The following UTRN variants were observed in gnomAD, a reference collection of about 807,000 sequenced individuals.
The protein encoded by UTRN is dystrophin-related protein 1.
Under a neutral mutation model 463.9 loss-of-function variants are expected in UTRN, and 283 were observed. The observed-to-expected ratio is 0.61, with a 90% CI of 0.55 to 0.67. The LOEUF (loss-of-function observed/expected upper bound fraction) is 0.67, where lower values mean the gene tolerates loss of function less well. Ranked by LOEUF, UTRN falls within the 30% of genes least tolerant of loss-of-function variation. The pLI, the probability that UTRN is intolerant of heterozygous loss-of-function variation, is 0.00. For missense variants in UTRN, 3,922 were observed against 4,084.3 expected, an observed-to-expected ratio of 0.96 and a Z score of 1.08; for synonymous variants, 1,442 against 1,431.5, an observed-to-expected ratio of 1.01 and a Z score of -0.17.
chr6:144,307,875 A>T (rs1209065644), intron 2 of UTRN, among the ~76,000 whole-genome samples: 2 of 151,544 alleles, frequency 1.3e-5, no homozygotes, highest in African/African-American at 4.9e-5. Flanking sequence ...TGGAATGGAT[A>T]TCACAGTGCT....
intron 34 of UTRN, among the ~76,000 whole-genome samples, chr6:144,505,276 C>T (rs1467148316): frequency 6.6e-6 from 1 of 152,046 alleles, no homozygotes; most frequent in East Asian, 1.9e-4. Context: ...TTCTGCTCTG[C>T]TCTTGGTTAT....
chr6:144,576,966 C>T, intron 50 of UTRN, 133 bp from the exon 51 acceptor site: 1 of 724,494 alleles, frequency 1.4e-6, no homozygotes, highest in Non-Finnish European at 2.2e-6. Context: ...GATAAATCTC[C>T]CAGTTACCTA....
chr6:144,563,861 G>A (rs1447088135), intron 50 of UTRN, among the ~76,000 whole-genome samples: 2 of 152,000 alleles, frequency 1.3e-5, no homozygotes, highest in Non-Finnish European at 2.9e-5. Context: ...TGTGATAAAT[G>A]CCTATGAATG....
chr6:144,651,940 A>ATG (rs1340192236), intron 51 of UTRN, among the ~76,000 whole-genome samples: 1 of 152,044 alleles, frequency 6.6e-6, no homozygotes, highest in Non-Finnish European at 1.5e-5. Flanking sequence ...ACTGTATCCA[A>ATG]TGTGTAGTCT....
At chr6:144,642,732 G>A (rs1004946805) in intron 51 of UTRN, among the ~76,000 whole-genome samples, 3 of 152,064 alleles carry the variant, frequency 2.0e-5, no homozygotes, top group Non-Finnish European at 4.4e-5. Context: ...CCAGTAGGGC[G>A]GTTGTTTTAT....
At chr6:144,573,779 G>A (rs1801175584) in intron 50 of UTRN, among the ~76,000 whole-genome samples, 1 of 152,104 alleles carries the variant, frequency 6.6e-6, no homozygotes, top group South Asian at 2.1e-4. Context: ...TAGGACTCAG[G>A]AATATGAAGG....
chr6:144,811,971 T>G (rs1202096295), intron 65 of UTRN, among the ~76,000 whole-genome samples: 1 of 152,190 alleles, frequency 6.6e-6, no homozygotes, highest in Admixed American at 6.5e-5. Flanking sequence ...TAACCTTGAT[T>G]TGCCTCTTTG....
intron 51 of UTRN, among the ~76,000 whole-genome samples, chr6:144,609,829 CCACTGGGT>C (rs1468645553): frequency 6.6e-6 from 1 of 151,942 alleles, no homozygotes; most frequent in African/African-American, 2.4e-5. Context: ...TCCTAAACAG[CCACTGGGT>C]CACAGAAAAA....
At chr6:144,501,119 T>C (rs1158636942) in intron 34 of UTRN, among the ~76,000 whole-genome samples, 1 of 152,146 alleles carries the variant, frequency 6.6e-6, no homozygotes. Context: ...GGAAAGACTA[T>C]TCTCAGTTTA....
intron 3 of UTRN, among the ~76,000 whole-genome samples, chr6:144,406,354 T>A (rs1269130370): frequency 1.1e-5 from 1 of 91,600 alleles, no homozygotes; most frequent in Non-Finnish European, 2.3e-5. Context: ...TTTTTTTCTT[T>A]TCTTTTTTTT....
rs184480528 is a variant in UTRN at position 144,767,340 on chromosome 6, G to A, written c.8496-4567G>A. On this transcript the variant is annotated intron_variant, in intron 58 of 74. Transcript: ENST00000367545. ...CCTGGGATTTGCAAGGGGTGAGAGA[G>A]AAGCAAGGGAGATGAGGTTATTTGT... is the stretch of plus-strand genomic sequence containing the variant. Among the ~76,000 whole-genome samples, 347 of 152,264 alleles carry A rather than the reference G, an allele frequency of 2.3e-3. 4 individuals are homozygous for A. The highest frequency in any genetic ancestry group is 0.017 in the Middle Eastern group (5 of 294).
At chr6:144,320,341 CTCTT>C (rs1042870778) in intron 2 of UTRN, among the ~76,000 whole-genome samples, 1 of 152,138 alleles carries the variant, frequency 6.6e-6, no homozygotes, top group Non-Finnish European at 1.5e-5. Flanking sequence ...TTCCTGCTCT[CTCTT>C]TCCCTCTTTG....
At chr6:144,428,211 T>C (rs1488136585) in intron 7 of UTRN, among the ~76,000 whole-genome samples, 1 of 152,188 alleles carries the variant, frequency 6.6e-6, no homozygotes, top group Non-Finnish European at 1.5e-5. Flanking sequence ...AATATAGTAG[T>C]AGCATGGAAG....
At chr6:144,426,168 G>A in intron 6 of UTRN, 119 bp from the exon 7 acceptor site, 1 of 1,253,664 alleles carries the variant, frequency 8.0e-7, no homozygotes, top group South Asian at 1.6e-5. Flanking sequence ...ATGAATGCCA[G>A]TTACCTGATC....
intron 2 of UTRN, among the ~76,000 whole-genome samples, chr6:144,375,331 G>A (rs555294199): frequency 1.3e-5 from 2 of 152,308 alleles, no homozygotes; most frequent in African/African-American, 4.8e-5. Flanking sequence ...ATTTATGCAA[G>A]TGTGTAAACA....
At chr6:144,804,571 C>T in intron 65 of UTRN, among the ~76,000 whole-genome samples, 1 of 152,012 alleles carries the variant, frequency 6.6e-6, no homozygotes, top group East Asian at 1.9e-4. Flanking sequence ...ACTGGGGAAA[C>T]AAAAGAGGGA....
intron 51 of UTRN, among the ~76,000 whole-genome samples, chr6:144,593,968 T>G (rs889434748): frequency 6.6e-6 from 1 of 152,214 alleles, no homozygotes; most frequent in African/African-American, 2.4e-5. Context: ...AGGACATAAT[T>G]CTTCAGAATG....
chr6:144,797,600 A>AT, intron 63 of UTRN: 5 of 419,634 alleles, frequency 1.2e-5, no homozygotes, highest in East Asian at 4.1e-5. Context: ...AAGTCTTGGT[A>AT]TTTTTTTGCT....
intron 51 of UTRN, among the ~76,000 whole-genome samples, chr6:144,664,265 AG>A (rs1780167017): frequency 6.6e-6 from 1 of 152,168 alleles, no homozygotes; most frequent in Non-Finnish European, 1.5e-5. Flanking sequence ...TCAGGGTAAC[AG>A]GGACTGCTTT....
Sources: gnomAD v4.1 joint callset for allele counts (sites outside exome capture counted in the v4.1 genomes callset) on GRCh38, gnomAD v4.1.1 for gene constraint, MANE v1.5 for transcripts, NCBI Gene and HGNC (gene_info 2026-07-23, HGNC 2026-07-21) for gene names.